Variants in RAB38 observed in about 807,000 individuals in gnomAD.
RAB38 encodes the protein RAB38, member RAS oncogene family, also known as ras-related protein Rab-38.
In RAB38, 15 loss-of-function variants were observed where a neutral mutation model predicts 18.4. That is an observed-to-expected ratio of 0.82 (90% CI 0.55 to 1.26). The LOEUF (loss-of-function observed/expected upper bound fraction) is 1.26, where lower values mean the gene tolerates loss of function less well. Ranked by LOEUF, RAB38 falls within the 50% of genes most tolerant of loss-of-function variation. The probability of loss-of-function intolerance (pLI) is 0.00; values close to 1 mark genes in which losing one functional copy is unlikely to be tolerated. For synonymous variants in RAB38, 101 were observed against 104.4 expected, an observed-to-expected ratio of 0.97 and a Z score of 0.20; for missense variants, 294 against 267.4, an observed-to-expected ratio of 1.10 and a Z score of -0.69.
At chr11:87,818,888 C>G in the RAB38 span, among the ~76,000 whole-genome samples, 2 of 152,166 alleles carry the variant, frequency 1.3e-5, no homozygotes, top group East Asian at 3.8e-4. Context: ...ATTAACTTCT[C>G]AATTTGTGAT....
At chr11:88,047,858 C>A in the RAB38 span, among the ~76,000 whole-genome samples, 2 of 152,170 alleles carry the variant, frequency 1.3e-5, no homozygotes, top group Non-Finnish European at 2.9e-5. Context: ...GAAACTTCCA[C>A]CTATCAATCT....
At chr11:88,087,101 A>T in the RAB38 span, among the ~76,000 whole-genome samples, 2 of 151,906 alleles carry the variant, frequency 1.3e-5, no homozygotes, top group African/African-American at 4.8e-5. Flanking sequence ...CTGTTTTGCC[A>T]CTGAAAGGCA....
chr11:87,959,282 A>G, the RAB38 span, among the ~76,000 whole-genome samples: 1 of 152,154 alleles, frequency 6.6e-6, no homozygotes, highest in Non-Finnish European at 1.5e-5. Flanking sequence ...AGGTAGCCTA[A>G]ACCCTCCATC....
chr11:88,006,588 G>A, the RAB38 span, among the ~76,000 whole-genome samples: 2 of 142,272 alleles, frequency 1.4e-5, no homozygotes, highest in Non-Finnish European at 3.0e-5. Context: ...TTATATATAT[G>A]TATATAATAT....
intron 1 of RAB38, among the ~76,000 whole-genome samples, chr11:88,164,141 A>G (rs573145891): frequency 6.6e-5 from 10 of 152,194 alleles, no homozygotes; most frequent in African/African-American, 2.4e-4. Flanking sequence ...AGTATCCATT[A>G]AATAAATTTT....
chr11:87,949,986 G>A, the RAB38 span, among the ~76,000 whole-genome samples: 1 of 152,244 alleles, frequency 6.6e-6, no homozygotes, highest in South Asian at 2.1e-4. Flanking sequence ...TGTTGACAGT[G>A]GGGTGTTAAA....
chr11:87,804,682 A>G, the RAB38 span, among the ~76,000 whole-genome samples: 2 of 152,122 alleles, frequency 1.3e-5, no homozygotes, highest in Admixed American at 1.3e-4. Flanking sequence ...GTGCCCTCCA[A>G]AACTTATCTG....
chr11:88,040,821 A>G, the RAB38 span, among the ~76,000 whole-genome samples: 11 of 152,200 alleles, frequency 7.2e-5, 1 homozygote, highest in Non-Finnish European at 7.3e-5. Context: ...TGGTGAGATG[A>G]TAAAACTCAG....
At chr11:87,962,495 C>T in the RAB38 span, among the ~76,000 whole-genome samples, 7 of 146,128 alleles carry the variant, frequency 4.8e-5, no homozygotes, top group South Asian at 2.2e-4. Flanking sequence ...AGAGGCTTGG[C>T]GGGGGCAGGG....
At chr11:87,851,385 G>C in the RAB38 span, among the ~76,000 whole-genome samples, 1 of 152,112 alleles carries the variant, frequency 6.6e-6, no homozygotes, top group African/African-American at 2.4e-5. Context: ...ATAAAAATGA[G>C]TCACAAGTTA....
At chr11:88,030,948 T>C in the RAB38 span, among the ~76,000 whole-genome samples, 1 of 151,186 alleles carries the variant, frequency 6.6e-6, no homozygotes, top group African/African-American at 2.4e-5. Context: ...TAGACCAATA[T>C]CCTTGATGAA....
chr11:88,017,705 T>C, the RAB38 span, among the ~76,000 whole-genome samples: 2 of 145,532 alleles, frequency 1.4e-5, no homozygotes, highest in Non-Finnish European at 3.0e-5. Context: ...TTGTATTTTA[T>C]ATATATATAT....
chr11:87,843,944 C>G, the RAB38 span, among the ~76,000 whole-genome samples: 28 of 152,292 alleles, frequency 1.8e-4, no homozygotes, highest in African/African-American at 6.5e-4. Flanking sequence ...AAAAACTAGA[C>G]AATCCTGGAG....
At chr11:87,926,129 A>G in the RAB38 span, among the ~76,000 whole-genome samples, 1 of 151,634 alleles carries the variant, frequency 6.6e-6, no homozygotes, top group African/African-American at 2.4e-5. Flanking sequence ...TTCATGGATA[A>G]TGAGCAGAGA....
chr11:88,041,228 T>C, the RAB38 span, among the ~76,000 whole-genome samples: 2 of 152,238 alleles, frequency 1.3e-5, no homozygotes, highest in East Asian at 3.8e-4. Flanking sequence ...CTCTGTAGCA[T>C]GGCATGTTCC....
intron 2 of RAB38, among the ~76,000 whole-genome samples, chr11:88,133,942 G>A (rs1330510576): frequency 6.6e-6 from 1 of 152,122 alleles, no homozygotes; most frequent in Non-Finnish European, 1.5e-5. Flanking sequence ...TCTAAATGTG[G>A]GAATGCCAAG....
At chr11:87,977,393 A>AT in the RAB38 span, among the ~76,000 whole-genome samples, 217 of 44,256 alleles carry the variant, frequency 4.9e-3, 3 homozygotes, top group East Asian at 8.9e-3. Flanking sequence ...ATATAATTAT[A>AT]TATATAATTA....
At chr11:87,902,008 T>C in the RAB38 span, among the ~76,000 whole-genome samples, 2 of 151,364 alleles carry the variant, frequency 1.3e-5, no homozygotes, top group African/African-American at 4.8e-5. Flanking sequence ...TGACAGAAAG[T>C]GTAAAGATTG....
chr11:87,951,688 A>G, the RAB38 span, among the ~76,000 whole-genome samples: 1 of 152,200 alleles, frequency 6.6e-6, no homozygotes, highest in Admixed American at 6.5e-5. Context: ...CCTGGGTATC[A>G]GCAGCGGAGG....
Sources: allele counts gnomAD v4.1 joint callset (sites outside exome capture counted in the v4.1 genomes callset), GRCh38; gene constraint gnomAD v4.1.1; transcripts MANE v1.5; gene names NCBI Gene and HGNC (gene_info 2026-07-23, HGNC 2026-07-21).